The following KCNK10 variants were observed in gnomAD, a reference collection of about 807,000 sequenced individuals.
KCNK10 encodes the protein potassium two pore domain channel subfamily K member 10, also known as potassium channel subfamily K member 10.
In KCNK10, 25 loss-of-function variants were observed where a neutral mutation model predicts 47.7. The observed-to-expected ratio is 0.52, with a 90% CI of 0.38 to 0.73. KCNK10 has a LOEUF of 0.73. Ranked by LOEUF, KCNK10 falls within the 30% of genes least tolerant of loss-of-function variation. KCNK10 has a pLI of 0.00. For missense variants in KCNK10, 563 were observed against 714.5 expected (o/e 0.79, Z 2.42); for synonymous variants, 303 against 285.6 (o/e 1.06, Z -0.61).
Position 88,263,409 on chromosome 14 carries a change from T to C in KCNK10, c.195A>G (p.Gln65=), listed in dbSNP as rs2139753977. 6.2e-7 allele frequency: 1 copy of C among 1,614,100 alleles called. No homozygotes were observed. Among genetic ancestry groups the C allele is most frequent in the Non-Finnish European group, 8.5e-7 (1 of 1,180,030 alleles). The part of the protein sequence containing the change: ...TVVARMEGTS[Q]GGLQTVMKWK... ...ACTTCATGACGGTCTGCAAGCCCCCTTGGGAGGTGCCTTCCATCCTGGCTA... is the reference window on the plus strand; with the variant it reads ...ACTTCATGACGGTCTGCAAGCCCCCCTGGGAGGTGCCTTCCATCCTGGCTA... The change falls in exon 2 of 7, where the codon CAA becomes CAG. Residue 65 remains glutamine (Q), a synonymous_variant. Coordinates refer to ENST00000319231, the MANE Select transcript of KCNK10 (RefSeq NM_138317.3).
At position 88,322,565 on chromosome 14, in the gene KCNK10, C is replaced by G. The variant is rs1478287333; in HGVS notation, c.52+182G>C. 6.6e-6 allele frequency among the ~76,000 whole-genome samples: 1 copy of G among 152,176 alleles called. No individual in the cohort carries two copies. Among genetic ancestry groups the G allele is most frequent in the East Asian group, 1.9e-4 (1 of 5,188 alleles). On this transcript the variant is annotated intron_variant, in intron 1 of 6. Transcript: ENST00000319231. The surrounding 1 kb of genome is among the most constrained non-coding windows in gnomAD (Gnocchi z 4.8). ...ACAATGATTATGTGGTAATGACAGG[C>G]ACTATCTGGGTTCGGAACCCACGCT...
intron 1 of KCNK10, among the ~76,000 whole-genome samples, chr14:88,279,733 C>G (rs1413234617): frequency 1.3e-5 from 2 of 152,138 alleles, no homozygotes; most frequent in East Asian, 3.9e-4. Flanking sequence ...AAGTACTAAA[C>G]TGGGTGATAT....
At chr14:88,252,344 T>G (rs892243406) in intron 2 of KCNK10, among the ~76,000 whole-genome samples, 5 of 152,162 alleles carry the variant, frequency 3.3e-5, no homozygotes, top group Admixed American at 2.6e-4. Context: ...TATTCACCAT[T>G]ACATCCCAGC....
At chr14:88,258,290 C>CT (rs1255773967) in intron 2 of KCNK10, among the ~76,000 whole-genome samples, 1,912 of 136,224 alleles carry the variant, frequency 0.014, 56 homozygotes, top group African/African-American at 0.035. Flanking sequence ...TATGGTGAGT[C>CT]TTTTTTTTTT....
rs531545459 is a variant in KCNK10, at chr14:88,259,337, AC to A, written c.402+3864del. Among the ~76,000 whole-genome samples, 8 of 152,238 alleles carry A rather than the reference AC, an allele frequency of 5.3e-5. No individual in the cohort carries two copies. In the South Asian group the frequency reaches 6.2e-4, roughly 12 times the overall value. ...ATTGTGAGAAAGACTGTAGATAAAC[AC>A]AAGGATGAATCTGTAAGTCATAGTA... On this transcript the variant is annotated intron_variant, in intron 2 of 6. Transcript: ENST00000319231.
intron 2 of KCNK10, among the ~76,000 whole-genome samples, chr14:88,253,106 C>A (rs550610837): frequency 1.1e-4 from 16 of 152,204 alleles, no homozygotes; most frequent in African/African-American, 3.6e-4. Flanking sequence ...CAACAGTGGC[C>A]GCCTCTTGGT....
chr14:88,254,229 A>C (rs1202608844), intron 2 of KCNK10, among the ~76,000 whole-genome samples: 2 of 152,142 alleles, frequency 1.3e-5, no homozygotes, highest in East Asian at 3.9e-4. Flanking sequence ...GAGTGAGATA[A>C]CCTGCTCACT....
intron 1 of KCNK10, among the ~76,000 whole-genome samples, chr14:88,286,524 C>G (rs901426069): frequency 6.6e-6 from 1 of 152,170 alleles, no homozygotes; most frequent in Non-Finnish European, 1.5e-5. Flanking sequence ...AAGTAACACT[C>G]TTGTTATAAC....
intron 4 of KCNK10, among the ~76,000 whole-genome samples, chr14:88,210,397 T>C (rs1379487519): frequency 6.6e-6 from 1 of 152,172 alleles, no homozygotes; most frequent in Admixed American, 6.5e-5. Context: ...CACAAAAAAG[T>C]GTTATTCGAT....
chr14:88,250,308 G>A (rs560360325), intron 2 of KCNK10, among the ~76,000 whole-genome samples: 1 of 152,290 alleles, frequency 6.6e-6, no homozygotes, highest in South Asian at 2.1e-4. Flanking sequence ...GCTGGGGGCT[G>A]CAGGCCTGAT....
intron 6 of KCNK10, 121 bp downstream of exon 6, chr14:88,187,846 C>A (rs73322351): frequency 2.1e-6 from 2 of 944,092 alleles, no homozygotes; most frequent in African/African-American, 1.6e-5. Flanking sequence ...TATGACCCGC[C>A]CCCCGCTCCC....
chr14:88,245,373 G>A (rs1440622749), intron 2 of KCNK10, among the ~76,000 whole-genome samples: 1 of 152,146 alleles, frequency 6.6e-6, no homozygotes, highest in Non-Finnish European at 1.5e-5. Context: ...AGGCAGAAGA[G>A]AGAAACTGCA....
At chr14:88,219,066 G>C (rs1312471402) in intron 4 of KCNK10, among the ~76,000 whole-genome samples, 3 of 152,158 alleles carry the variant, frequency 2.0e-5, no homozygotes, top group Non-Finnish European at 4.4e-5. Context: ...CCAATTCACT[G>C]TGTGGATCCA....
chr14:88,263,585 G>C (rs925567271), intron 1 of KCNK10, 34 bp from the exon 2 acceptor site: 10 of 1,559,652 alleles, frequency 6.4e-6, no homozygotes, highest in Non-Finnish European at 8.7e-6. Context: ...AAGAAGAAGA[G>C]AGTTTGTTTA....
chr14:88,282,825 C>T (rs1443174794), intron 1 of KCNK10, among the ~76,000 whole-genome samples: 1 of 152,184 alleles, frequency 6.6e-6, no homozygotes, highest in Non-Finnish European at 1.5e-5. Flanking sequence ...GTATCAAGCT[C>T]TCCCATGCAC....
intron 4 of KCNK10, among the ~76,000 whole-genome samples, chr14:88,216,952 C>T (rs956829848): frequency 2.6e-5 from 4 of 152,016 alleles, no homozygotes; most frequent in Non-Finnish European, 4.4e-5. Context: ...GTAAGGAGTT[C>T]GAGACCAGCC....
At chr14:88,239,144 G>A (rs113749384) in intron 3 of KCNK10, among the ~76,000 whole-genome samples, 8 of 152,102 alleles carry the variant, frequency 5.3e-5, no homozygotes, top group African/African-American at 1.4e-4. Context: ...AGCACACGAC[G>A]TTGGAAAAAT....
intron 1 of KCNK10, among the ~76,000 whole-genome samples, chr14:88,269,313 AAAC>A (rs1359271568): frequency 3.3e-5 from 5 of 152,210 alleles, no homozygotes; most frequent in African/African-American, 1.2e-4. Flanking sequence ...TTCAATCAAC[AAAC>A]AACTGAGTTT....
intron 3 of KCNK10, among the ~76,000 whole-genome samples, chr14:88,232,351 G>T (rs976428346): frequency 6.6e-6 from 1 of 152,162 alleles, no homozygotes; most frequent in African/African-American, 2.4e-5. Flanking sequence ...CAGCTCCTCA[G>T]CTCTCACGGT....
Sources: gnomAD v4.1 joint callset for allele counts (sites outside exome capture counted in the v4.1 genomes callset) on GRCh38, gnomAD v4.1.1 for gene constraint, Gnocchi (gnomAD v3.1) non-coding constraint, MANE v1.5 for transcripts, NCBI Gene and HGNC (gene_info 2026-07-23, HGNC 2026-07-21) for gene names.